Variants in EYS observed in about 807,000 individuals in gnomAD.
EYS encodes the protein EGF-like photoreceptor maintenance factor.
Under a neutral mutation model 282.1 loss-of-function variants are expected in EYS, and 250 were observed. The ratio of observed to expected loss-of-function variants is 0.89; its 90% CI spans 0.80 to 0.98. The LOEUF is 0.98. Ranked by LOEUF, EYS falls within the 50% of genes least tolerant of loss-of-function variation. The pLI, the probability that EYS is intolerant of heterozygous loss-of-function variation, is 0.00. For synonymous variants in EYS, 1,355 were observed against 1,282.9 expected (o/e 1.06, Z -1.20); for missense variants, 4,016 against 3,709.0 (o/e 1.08, Z -2.15).
intron 33 of EYS, among the ~76,000 whole-genome samples, chr6:64,033,792 A>G (rs1318013849): frequency 1.3e-5 from 2 of 151,788 alleles, no homozygotes; most frequent in Non-Finnish European, 2.9e-5. Context: ...ACATACATTC[A>G]ATTGTTGCAA....
chr6:65,332,088 C>T, intron 11 of EYS: 1 of 327,160 alleles, frequency 3.1e-6, no homozygotes, highest in Non-Finnish European at 5.6e-6. Flanking sequence ...CAGCCTTTCA[C>T]CGTAAAGTAT....
chr6:64,135,211 GC>G (rs1774119222), intron 31 of EYS, among the ~76,000 whole-genome samples: 1 of 143,858 alleles, frequency 7.0e-6, no homozygotes, highest in Non-Finnish European at 1.5e-5. Flanking sequence ...CAGTAGTGGT[GC>G]TTTTTTTTTT....
At chr6:64,824,657 A>C (rs111346144) in intron 19 of EYS, among the ~76,000 whole-genome samples, 179 of 151,950 alleles carry the variant, frequency 1.2e-3, no homozygotes, top group African/African-American at 4.1e-3. Context: ...ATTTATAACA[A>C]AAGTGTGGGG....
At chr6:63,866,689 A>T (rs1562067730) in intron 35 of EYS, among the ~76,000 whole-genome samples, 1 of 152,222 alleles carries the variant, frequency 6.6e-6, no homozygotes, top group Non-Finnish European at 1.5e-5. Flanking sequence ...TCAGCAGGCA[A>T]CTAGAGTAGA....
chr6:63,782,555 T>C (rs1770257900), intron 39 of EYS, among the ~76,000 whole-genome samples: 1 of 152,250 alleles, frequency 6.6e-6, no homozygotes, highest in African/African-American at 2.4e-5. Context: ...TTTATAGTAT[T>C]CGCTGATGGT....
chr6:63,835,973 A>G (rs1425365893), intron 36 of EYS, among the ~76,000 whole-genome samples: 1 of 152,092 alleles, frequency 6.6e-6, no homozygotes, highest in East Asian at 1.9e-4. Flanking sequence ...GTCAATGTTC[A>G]TCTGTTGGCA....
chr6:65,229,129 A>G (rs1395362520), intron 12 of EYS, among the ~76,000 whole-genome samples: 1 of 152,054 alleles, frequency 6.6e-6, no homozygotes, highest in Non-Finnish European at 1.5e-5. Flanking sequence ...ACTGAAGCCA[A>G]ATAAACAGAA....
At chr6:64,510,051 G>A (rs1277856020) in intron 26 of EYS, among the ~76,000 whole-genome samples, 3 of 152,032 alleles carry the variant, frequency 2.0e-5, no homozygotes, top group Non-Finnish European at 4.4e-5. Flanking sequence ...TAGTCTAGCA[G>A]CAAATGGTTG....
At chr6:64,848,346 T>C (rs772130198) in intron 19 of EYS, among the ~76,000 whole-genome samples, 2 of 152,074 alleles carry the variant, frequency 1.3e-5, no homozygotes, top group Non-Finnish European at 2.9e-5. Context: ...CAAATGTTTA[T>C]ATATATTTCA....
At chr6:64,450,953 G>T (rs1263384786) in intron 26 of EYS, among the ~76,000 whole-genome samples, 1 of 152,116 alleles carries the variant, frequency 6.6e-6, no homozygotes, top group Admixed American at 6.6e-5. Flanking sequence ...AAGAACTGGA[G>T]AAGCAAGAGC....
intron 35 of EYS, among the ~76,000 whole-genome samples, chr6:63,888,356 A>T (rs529632997): frequency 6.6e-6 from 1 of 152,242 alleles, no homozygotes; most frequent in Non-Finnish European, 1.5e-5. Flanking sequence ...GACACCTCCC[A>T]GCAGGGGTTG....
chr6:64,733,600 C>CA (rs1377934272), intron 22 of EYS: 1 of 158,646 alleles, frequency 6.3e-6, no homozygotes, highest in Non-Finnish European at 1.4e-5. Context: ...ATCCAGTCTT[C>CA]ATTCTCCAGA....
intron 8 of EYS, among the ~76,000 whole-genome samples, chr6:65,355,427 C>T (rs1764443283): frequency 6.6e-6 from 1 of 152,064 alleles, no homozygotes; most frequent in Admixed American, 6.6e-5. Flanking sequence ...GAACTCATGA[C>T]TGAGATCTCA....
chr6:64,412,458 T>TCAGA (rs768434573), intron 28 of EYS, among the ~76,000 whole-genome samples: 6 of 152,084 alleles, frequency 3.9e-5, no homozygotes, highest in Non-Finnish European at 8.8e-5. Context: ...CCTAATTATA[T>TCAGA]CAGATGAATA....
chr6:64,856,630 C>G (rs6936357), intron 19 of EYS, among the ~76,000 whole-genome samples: 151,104 of 152,280 alleles, frequency 0.99, 74,968 homozygotes, highest in Middle Eastern at 1. Context: ...TTTTCTTATT[C>G]TTTCATTTAA....
At chr6:65,479,457 C>G (rs1212303873) in intron 5 of EYS, among the ~76,000 whole-genome samples, 1 of 151,924 alleles carries the variant, frequency 6.6e-6, no homozygotes, top group Non-Finnish European at 1.5e-5. Flanking sequence ...ATACACTAAC[C>G]AAGAAACACT....
intron 26 of EYS, among the ~76,000 whole-genome samples, chr6:64,589,992 T>C (rs1424820587): frequency 1.3e-5 from 2 of 152,110 alleles, no homozygotes; most frequent in African/African-American, 2.4e-5. Flanking sequence ...TTGACAGCAG[T>C]ATAGCTGTCT....
intron 2 of EYS, among the ~76,000 whole-genome samples, chr6:65,557,283 G>C (rs1388286288): frequency 6.6e-6 from 1 of 152,178 alleles, no homozygotes; most frequent in African/African-American, 2.4e-5. Flanking sequence ...CCAAGGCTGA[G>C]CCAGGTGCAG....
At chr6:65,593,074 T>C (rs527942752) in intron 2 of EYS, among the ~76,000 whole-genome samples, 1 of 152,092 alleles carries the variant, frequency 6.6e-6, no homozygotes, top group Non-Finnish European at 1.5e-5. Context: ...GGGAAGAGCA[T>C]AAATTATTTC....
Sources: allele counts gnomAD v4.1 joint callset (sites outside exome capture counted in the v4.1 genomes callset), GRCh38; gene constraint gnomAD v4.1.1; transcripts MANE v1.5; gene names NCBI Gene and HGNC (gene_info 2026-07-23, HGNC 2026-07-21).